GNA14: variants seen among roughly 807,000 people sequenced by gnomAD.
The protein encoded by GNA14 is G protein subunit alpha 14.
In GNA14, 50 loss-of-function variants were observed where a neutral mutation model predicts 42.0. That is an observed-to-expected ratio of 1.19 (90% CI 0.95 to 1.51). The LOEUF (loss-of-function observed/expected upper bound fraction) is 1.51, where lower values mean the gene tolerates loss of function less well. GNA14 is among the 40% of genes most tolerant of loss of function. GNA14 has a pLI of 0.00. For synonymous variants in GNA14, 173 were observed against 163.1 expected, an observed-to-expected ratio of 1.06 and a Z score of -0.46; for missense variants, 473 against 446.2, an observed-to-expected ratio of 1.06 and a Z score of -0.54.
chr9:77,453,038 G>T (rs1835943319), intron 2 of GNA14, among the ~76,000 whole-genome samples: 1 of 152,164 alleles, frequency 6.6e-6, no homozygotes, highest in South Asian at 2.1e-4. Context: ...TACTTGAGAG[G>T]CTGAGGCAGG....
intron 2 of GNA14, among the ~76,000 whole-genome samples, chr9:77,498,078 A>C (rs972829311): frequency 5.3e-5 from 8 of 152,182 alleles, no homozygotes; most frequent in Non-Finnish European, 1.0e-4. Context: ...ATTAACCCAA[A>C]TGAAAACAAG....
intron 2 of GNA14, among the ~76,000 whole-genome samples, chr9:77,520,742 T>C (rs1192311023): frequency 5.9e-5 from 9 of 152,198 alleles, no homozygotes; most frequent in Non-Finnish European, 1.3e-4. Flanking sequence ...GTTGGACGGA[T>C]GCATAAGTGT....
chr9:77,463,043 G>A (rs1836141750), intron 2 of GNA14, among the ~76,000 whole-genome samples: 1 of 152,166 alleles, frequency 6.6e-6, no homozygotes, highest in East Asian at 1.9e-4. Flanking sequence ...TGGGTTGGCA[G>A]CACAGATTAG....
chr9:77,525,537 G>GTTGTT (rs1564042849), intron 2 of GNA14, among the ~76,000 whole-genome samples: 2 of 148,406 alleles, frequency 1.3e-5, no homozygotes, highest in Non-Finnish European at 3.0e-5. Flanking sequence ...GGGATGGTTT[G>GTTGTT]TTCTTTTTTT....
chr9:77,614,550 C>T (rs903511624), intron 1 of GNA14, among the ~76,000 whole-genome samples: 2 of 152,146 alleles, frequency 1.3e-5, no homozygotes, highest in Non-Finnish European at 2.9e-5. Flanking sequence ...GTCTATGAAA[C>T]GCCAACAAGG....
rs112356140 is a variant in GNA14, at chr9:77,460,744, G to A, written c.310-26222C>T. 5.7e-3 allele frequency among the ~76,000 whole-genome samples: 863 copies of A among 152,288 alleles called. 6 individuals carry two copies. The highest frequency in any genetic ancestry group is 0.018 in the African/African-American group (762 of 41,548). On this transcript the variant is annotated intron_variant, in intron 2 of 6. Transcript: ENST00000341700. Reference sequence around the variant, plus strand: ...CAGACCTGCCCCCTGACTACGCCTCGGCTATGGGGGATGGAAAGGGTGTGC... The same window carrying A: ...CAGACCTGCCCCCTGACTACGCCTCAGCTATGGGGGATGGAAAGGGTGTGC...
At chr9:77,485,525 T>C (rs1836643245) in intron 2 of GNA14, among the ~76,000 whole-genome samples, 1 of 152,204 alleles carries the variant, frequency 6.6e-6, no homozygotes, top group South Asian at 2.1e-4. Context: ...TCATGGTATC[T>C]AGAATGGTGA....
intron 1 of GNA14, among the ~76,000 whole-genome samples, chr9:77,538,975 CT>C (rs1837629121): frequency 1.3e-5 from 2 of 152,214 alleles, no homozygotes; most frequent in Non-Finnish European, 2.9e-5. Context: ...TTGACTTCCT[CT>C]TTTCCAATTT....
intron 1 of GNA14, among the ~76,000 whole-genome samples, chr9:77,628,222 C>G (rs554412824): frequency 6.6e-6 from 1 of 152,304 alleles, no homozygotes; most frequent in Admixed American, 6.5e-5. Flanking sequence ...CTACAAACCA[C>G]TGCTCAAGGA....
At chr9:77,573,255 C>A (rs1052653417) in intron 1 of GNA14, among the ~76,000 whole-genome samples, 2 of 151,972 alleles carry the variant, frequency 1.3e-5, no homozygotes, top group Non-Finnish European at 2.9e-5. Flanking sequence ...TTGAGACCAG[C>A]CTGGCCAACA....
chr9:77,545,677 T>C (rs1187725020), intron 1 of GNA14, among the ~76,000 whole-genome samples: 1 of 152,210 alleles, frequency 6.6e-6, no homozygotes, highest in South Asian at 2.1e-4. Flanking sequence ...GACCTGCTGA[T>C]TCCCTGGTCA....
At chr9:77,444,238 C>T (rs934739669) in intron 2 of GNA14, among the ~76,000 whole-genome samples, 6 of 152,180 alleles carry the variant, frequency 3.9e-5, no homozygotes, top group African/African-American at 7.2e-5. Flanking sequence ...ATCCACTTTC[C>T]GGGTCTGAAG....
At chr9:77,607,672 T>G (rs1040375360) in intron 1 of GNA14, among the ~76,000 whole-genome samples, 1 of 152,180 alleles carries the variant, frequency 6.6e-6, no homozygotes, top group Non-Finnish European at 1.5e-5. Context: ...CTGGGTGGCT[T>G]AACAACAGAA....
intron 2 of GNA14, among the ~76,000 whole-genome samples, chr9:77,519,133 G>T (rs767974384): frequency 1.3e-5 from 2 of 152,126 alleles, no homozygotes; most frequent in African/African-American, 2.4e-5. Flanking sequence ...AACAGAGGCC[G>T]GACAAGGTGG....
At chr9:77,429,440 C>A (rs1015067462) in intron 4 of GNA14, among the ~76,000 whole-genome samples, 1 of 152,170 alleles carries the variant, frequency 6.6e-6, no homozygotes, top group Non-Finnish European at 1.5e-5. Flanking sequence ...CTTCAGGACC[C>A]GAGCCTATTC....
chr9:77,605,765 T>C (rs1823636552), intron 1 of GNA14, among the ~76,000 whole-genome samples: 5 of 152,240 alleles, frequency 3.3e-5, no homozygotes, highest in Admixed American at 3.3e-4. Flanking sequence ...CAAAGAACTT[T>C]AGTTCTAGTA....
At chr9:77,514,979 G>A (rs1296498508) in intron 2 of GNA14, among the ~76,000 whole-genome samples, 3 of 152,126 alleles carry the variant, frequency 2.0e-5, no homozygotes, top group Admixed American at 6.6e-5. Flanking sequence ...ATCAGTTTCA[G>A]GACGTTCAGG....
intron 2 of GNA14, among the ~76,000 whole-genome samples, chr9:77,510,686 C>A (rs1418449993): frequency 6.6e-6 from 1 of 152,308 alleles, no homozygotes; most frequent in East Asian, 1.9e-4. Flanking sequence ...CACCAAGGAG[C>A]AAGCCTCCAC....
intron 1 of GNA14, among the ~76,000 whole-genome samples, chr9:77,572,909 A>G (rs899346409): frequency 7.2e-5 from 11 of 152,212 alleles, no homozygotes; most frequent in South Asian, 2.1e-4. Flanking sequence ...ACAGGTAGAT[A>G]GCACAGGTCA....
Sources: allele counts gnomAD v4.1 joint callset (sites outside exome capture counted in the v4.1 genomes callset), GRCh38; gene constraint gnomAD v4.1.1; transcripts MANE v1.5; gene names NCBI Gene and HGNC (gene_info 2026-07-23, HGNC 2026-07-21).